TNFAIP8L1: variants seen among roughly 807,000 people sequenced by gnomAD.
TNFAIP8L1 encodes the protein tumor necrosis factor alpha-induced protein 8-like protein 1.
For missense variants in TNFAIP8L1, 225 were observed against 266.1 expected (o/e 0.85, Z 1.08); for synonymous variants, 127 against 125.6 (o/e 1.01, Z -0.08).
In TNFAIP8L1 at chr19:4,652,571, C is replaced by T; in HGVS notation, c.*141C>T. The T allele has an allele frequency of 1.2e-6, 1 of 817,188 alleles. No homozygotes were observed. The highest frequency in any genetic ancestry group is 1.9e-6 in the Non-Finnish European group (1 of 537,712). The allele number at this position is 817,188 out of a possible 1,614,324, so 50.6% of individuals were successfully genotyped here. ...TCCCCTAGACAGATGGGTGACCTGT[C>T]TCCTTTGAGAGGATGCTGAGGCATC... On this transcript the variant is annotated 3_prime_UTR_variant, in exon 2 of 2. Coordinates refer to ENST00000327473, the MANE Select transcript of TNFAIP8L1 (RefSeq NM_152362.3).
chr19:4,648,211 G>A (rs769021795), intron 1 of TNFAIP8L1, among the ~76,000 whole-genome samples: 1 of 152,242 alleles, frequency 6.6e-6, no homozygotes, highest in Non-Finnish European at 1.5e-5. Flanking sequence ...CCCAGAAGCT[G>A]TAGCAGGCTG....
In TNFAIP8L1 at chr19:4,655,090, T is replaced by G. The variant is rs2088411028; in HGVS notation, c.*2660T>G. The G allele has an allele frequency of 6.6e-6, 1 of 152,226 alleles. No individual in the cohort carries two copies. The highest frequency in any genetic ancestry group is 2.4e-5 in the African/African-American group (1 of 41,448). The allele number at this position is 152,226 out of a possible 1,614,324, so 9.4% of individuals were successfully genotyped here. ...GGAGTTTCTCTTGAAAACTCGCCAG[T>G]CCGGCCGTCTGAGCCTGCACTGACG... On this transcript the variant is annotated 3_prime_UTR_variant, in exon 2 of 2. Coordinates refer to ENST00000327473, the MANE Select transcript of TNFAIP8L1 (RefSeq NM_152362.3).
At chr19:4,651,116 A>T (rs2088360374) in intron 1 of TNFAIP8L1, among the ~76,000 whole-genome samples, 1 of 152,010 alleles carries the variant, frequency 6.6e-6, no homozygotes, top group Admixed American at 6.6e-5. Context: ...TCTGGGGCTC[A>T]CTTGGAACCC....
At chr19:4,648,972 C>T (rs1378541591) in intron 1 of TNFAIP8L1, among the ~76,000 whole-genome samples, 1 of 148,976 alleles carries the variant, frequency 6.7e-6, no homozygotes, top group African/African-American at 2.5e-5. Context: ...TCTTGTTGCC[C>T]AGGCTGGAGT....
At chr19:4,647,157 C>G (rs1172555294) in intron 1 of TNFAIP8L1, among the ~76,000 whole-genome samples, 1 of 152,178 alleles carries the variant, frequency 6.6e-6, no homozygotes, top group Non-Finnish European at 1.5e-5. Context: ...TTGCAGGCTA[C>G]CCTGGGTCAC....
At chr19:4,648,859 C>A (rs1020386891) in intron 1 of TNFAIP8L1, among the ~76,000 whole-genome samples, 1 of 151,646 alleles carries the variant, frequency 6.6e-6, no homozygotes, top group South Asian at 2.1e-4. Context: ...TCGGTTTATT[C>A]ATCTATGAAC....
At chr19:4,650,542 A>G (rs2088352414) in intron 1 of TNFAIP8L1, among the ~76,000 whole-genome samples, 1 of 151,938 alleles carries the variant, frequency 6.6e-6, no homozygotes, top group Non-Finnish European at 1.5e-5. Flanking sequence ...GGCTGGGGAA[A>G]CTGGGCAGGC....
At chr19:4,643,717 C>T (rs1477133812) in intron 1 of TNFAIP8L1, among the ~76,000 whole-genome samples, 4 of 152,176 alleles carry the variant, frequency 2.6e-5, no homozygotes, top group South Asian at 2.1e-4. Flanking sequence ...GCAGGAGGAT[C>T]GCTTGAGCCC....
In TNFAIP8L1 at chr19:4,652,292, C is replaced by T. The variant is rs1374774080; in HGVS notation, c.423C>T (p.Gly141=). 3.8e-6 allele frequency: 6 copies of T among 1,565,630 alleles called. No homozygotes were observed. The South Asian group carries it at 7.0e-5, about 18-fold the overall frequency. ...VGPHLTAKSH[G]RINHVFGHLA... is the part of the protein sequence containing the mutation. Reference sequence around the variant, plus strand: ...CCCACCTGACCGCCAAGTCCCACGGCCGCATCAACCACGTGTTCGGCCACC... The same window carrying T: ...CCCACCTGACCGCCAAGTCCCACGGTCGCATCAACCACGTGTTCGGCCACC... The change falls in exon 2 of 2, where the codon GGC becomes GGT. Residue 141 remains glycine, a synonymous_variant. Coordinates refer to ENST00000327473, the MANE Select transcript of TNFAIP8L1 (RefSeq NM_152362.3).
chr19:4,650,988 A>C (rs2145172886), intron 1 of TNFAIP8L1, among the ~76,000 whole-genome samples: 1 of 124,000 alleles, frequency 8.1e-6, no homozygotes, highest in South Asian at 2.3e-4. Context: ...CATCTCAAAA[A>C]ATAGTAATAA....
chr19:4,644,181 A>G (rs2088288538), intron 1 of TNFAIP8L1, among the ~76,000 whole-genome samples: 1 of 152,084 alleles, frequency 6.6e-6, no homozygotes, highest in Non-Finnish European at 1.5e-5. Flanking sequence ...AGATCATGCC[A>G]TTGCACTCCA....
Position 4,652,478 on chromosome 19 carries a change from T to C in TNFAIP8L1, c.*48T>C. The C allele has an allele frequency of 6.9e-7, 1 of 1,452,360 alleles. No individual in the cohort carries two copies. The highest frequency in any genetic ancestry group is 9.1e-7 in the Non-Finnish European group (1 of 1,097,888). 90.0% of individuals were successfully genotyped at this position (1,452,360 alleles called of 1,614,324 possible). On this transcript the variant is annotated 3_prime_UTR_variant, in exon 2 of 2. Coordinates refer to ENST00000327473, the MANE Select transcript of TNFAIP8L1 (RefSeq NM_152362.3). ...CCCCTCGCGCCTTTTGGGGCTCTCC[T>C]GCTGGGCGCGGGTGGGGTTTGTGGG...
At chr19:4,646,428 A>G (rs567352890) in intron 1 of TNFAIP8L1, among the ~76,000 whole-genome samples, 15 of 151,668 alleles carry the variant, frequency 9.9e-5, no homozygotes, top group Non-Finnish European at 1.8e-4. Flanking sequence ...CACCTGGCCA[A>G]TCATTGTTTT....
intron 1 of TNFAIP8L1, among the ~76,000 whole-genome samples, chr19:4,644,853 G>A (rs908794831): frequency 6.6e-5 from 10 of 151,946 alleles, no homozygotes; most frequent in Admixed American, 2.6e-4. Context: ...TGCCCGCCTC[G>A]ACCTCCCAAA....
At chr19:4,640,370 G>A (rs537702427) in intron 1 of TNFAIP8L1, 1 of 152,386 alleles carries the variant, frequency 6.6e-6, no homozygotes, top group South Asian at 2.1e-4. Context: ...AGGGGGGAAG[G>A]GCTGGTGGAG....
At chr19:4,649,744 C>T (rs1272390724) in intron 1 of TNFAIP8L1, among the ~76,000 whole-genome samples, 2 of 152,270 alleles carry the variant, frequency 1.3e-5, no homozygotes, top group African/African-American at 4.8e-5. Flanking sequence ...CCACGTGGCA[C>T]TGAGTCAACA....
chr19:4,644,217 G>A (rs1168678931), intron 1 of TNFAIP8L1, among the ~76,000 whole-genome samples: 3 of 149,838 alleles, frequency 2.0e-5, no homozygotes, highest in South Asian at 2.1e-4. Flanking sequence ...GTGAAACTCC[G>A]TCTCAAAAAA....
rs1195195872 is a variant in TNFAIP8L1, at chr19:4,652,697, T to C, written c.*267T>C. Reference sequence around the variant, plus strand: ...TACTCTGGGGACCACCTTTCACCCGTTTGTACTTTCTGGGCCACGCCGACC... The same window carrying C: ...TACTCTGGGGACCACCTTTCACCCGCTTGTACTTTCTGGGCCACGCCGACC... On this transcript the variant is annotated 3_prime_UTR_variant, in exon 2 of 2. Transcript: ENST00000327473. The C allele has an allele frequency of 1.1e-5, 5 of 450,024 alleles. No individual in the cohort carries two copies. In the East Asian group the frequency reaches 1.8e-4, roughly 16 times the overall value. 27.9% of individuals were successfully genotyped at this position (450,024 alleles called of 1,614,324 possible). A position where few individuals can be genotyped will look rare whatever the true frequency, so the allele number is the denominator to read the frequency against.
chr19:4,652,463 C>T lies in TNFAIP8L1; in HGVS notation c.*33C>T. 2.0e-6 allele frequency: 3 copies of T among 1,474,576 alleles called. No homozygotes were observed. Among genetic ancestry groups the T allele is most frequent in the Non-Finnish European group, 2.7e-6 (3 of 1,110,058 alleles). The allele number at this position is 1,474,576 out of a possible 1,614,324, so 91.3% of individuals were successfully genotyped here. A position where few individuals can be genotyped will look rare whatever the true frequency, so the allele number is the denominator to read the frequency against. ...CGCCGCCCAACCGCGCCCCTCGCGC[C>T]TTTTGGGGCTCTCCTGCTGGGCGCG... On this transcript the variant is annotated 3_prime_UTR_variant, in exon 2 of 2. Coordinates refer to ENST00000327473, the MANE Select transcript of TNFAIP8L1 (RefSeq NM_152362.3).
Sources: gnomAD v4.1 joint callset for allele counts (sites outside exome capture counted in the v4.1 genomes callset) on GRCh38, gnomAD v4.1.1 for gene constraint, MANE v1.5 for transcripts, NCBI Gene and HGNC (gene_info 2026-07-23, HGNC 2026-07-21) for gene names.